The following NCR3LG1 variants were observed in gnomAD, a reference collection of about 807,000 sequenced individuals.
NCR3LG1 encodes the protein natural cytotoxicity triggering receptor 3 ligand 1.
Under a neutral mutation model 34.8 loss-of-function variants are expected in NCR3LG1, and 35 were observed. The ratio of observed to expected loss-of-function variants is 1.01; its 90% confidence interval spans 0.77 to 1.33. NCR3LG1 has a LOEUF of 1.33. Ranked by LOEUF, NCR3LG1 falls within the 40% of genes most tolerant of loss-of-function variation. The pLI, the probability that NCR3LG1 is intolerant of heterozygous loss-of-function variation, is 0.00. For missense variants in NCR3LG1, 452 were observed against 423.3 expected, an observed-to-expected ratio of 1.07 and a Z score of -0.60; for synonymous variants, 173 against 163.6, an observed-to-expected ratio of 1.06 and a Z score of -0.44.
intron 3 of NCR3LG1, 120 bp downstream of exon 3, chr11:17,367,467 C>CCTTCCAGTCCAAGCTT: frequency 1.2e-6 from 1 of 867,896 alleles, no homozygotes; most frequent in Non-Finnish European, 1.7e-6. Flanking sequence ...AAAGCTTGGA[C>CCTTCCAGTCCAAGCTT]TGGAAGGACC....
At chr11:17,357,636 T>A (rs1335589059) in intron 2 of NCR3LG1, among the ~76,000 whole-genome samples, 3 of 147,598 alleles carry the variant, frequency 2.0e-5, no homozygotes. Context: ...ACAGTGACAG[T>A]GGCTATATAT....
chr11:17,376,470 C>T lies in NCR3LG1; in HGVS notation c.*3958C>T, dbSNP rs1339190744. 2 of 152,178 alleles carry T rather than the reference C, an allele frequency of 1.3e-5. No individual in the cohort carries two copies. Among genetic ancestry groups the T allele is most frequent in the African/African-American group, 4.8e-5 (2 of 41,428 alleles). 9.4% of individuals were successfully genotyped at this position (152,178 alleles called of 1,614,324 possible). ...TCAGCCATGTCCCATTTATACAAGA[C>T]AAATTGCTGGGTCTGTCCTGAGCGG... On this transcript the variant is annotated 3_prime_UTR_variant, in exon 5 of 5. Transcript: ENST00000338965.
In NCR3LG1 at chr11:17,362,679, CCTTCCTTCCTTCCTTTCTTT is replaced by C. The variant is rs1474216809; in HGVS notation, c.422-4326_422-4307del. On this transcript the variant is annotated intron_variant, in intron 2 of 4. Coordinates refer to ENST00000338965, the MANE Select transcript of NCR3LG1 (RefSeq NM_001202439.3). ...CTAGTTATTGACTCAGTGTCTCCTT[CCTTCCTTCCTTCCTTTCTTT>C]CTTTCTTTCTTTCTTTCTTTCTTTC... Among the ~76,000 whole-genome samples the C allele has an allele frequency of 6.6e-3, 449 of 68,244 alleles. 7 individuals are homozygous for C. The highest frequency in any genetic ancestry group is 0.014 in the East Asian group (39 of 2,744). The allele number at this position is 68,244 out of a possible 152,430, so 44.8% of individuals were successfully genotyped here. A position where few individuals can be genotyped will look rare whatever the true frequency, so the allele number is the denominator to read the frequency against.
chr11:17,352,855 ACTAAAAGG>A (rs1953154765), intron 1 of NCR3LG1, among the ~76,000 whole-genome samples: 1 of 151,678 alleles, frequency 6.6e-6, no homozygotes, highest in African/African-American at 2.4e-5. Flanking sequence ...TAAACAGGAG[ACTAAAAGG>A]CTGAAACGCG....
chr11:17,362,745 TTTCTTTCTTTCTTTCTTTCTTTCC>T lies in NCR3LG1; in HGVS notation c.422-4260_422-4237del, dbSNP rs1564856496. ...CTTTCTTTCTTTCTTTCTTTCTTTCTTTCTTTCTTTCTTTCTTTCTTTCCTTCCTTCCTTCTTTCCTTCTTTCTC... is the reference window on the plus strand; with the variant it reads ...CTTTCTTTCTTTCTTTCTTTCTTTCTTTCCTTCCTTCTTTCCTTCTTTCTC... On this transcript the variant is annotated intron_variant, in intron 2 of 4. Transcript: ENST00000338965. Among the ~76,000 whole-genome samples, 528 of 108,048 alleles carry T rather than the reference TTTCTTTCTTTCTTTCTTTCTTTCC, an allele frequency of 4.9e-3. 49 individuals are homozygous for T. Among genetic ancestry groups the T allele is most frequent in the African/African-American group, 0.025 (508 of 20,222 alleles). 70.9% of individuals were successfully genotyped at this position (108,048 alleles called of 152,430 possible). A position where few individuals can be genotyped will look rare whatever the true frequency, so the allele number is the denominator to read the frequency against.
At chr11:17,367,758 T>C (rs980235009) in intron 3 of NCR3LG1, among the ~76,000 whole-genome samples, 2 of 151,750 alleles carry the variant, frequency 1.3e-5, no homozygotes, top group East Asian at 3.9e-4. Context: ...TAGCAGCCCT[T>C]CTAATAAGGC....
Position 17,356,988 on chromosome 11 carries a change from G to A in NCR3LG1, c.408G>A (p.Gln136=). 1 of 1,518,622 alleles carries A rather than the reference G, an allele frequency of 6.6e-7. No individual in the cohort carries two copies. The highest frequency in any genetic ancestry group is 8.8e-7 in the Non-Finnish European group (1 of 1,136,472). 94.1% of individuals were successfully genotyped at this position (1,518,622 alleles called of 1,614,324 possible). A position where few individuals can be genotyped will look rare whatever the true frequency, so the allele number is the denominator to read the frequency against. The change falls in exon 2 of 5, where the codon CAG becomes CAA. Residue 136 remains glutamine (Q), a synonymous_variant. Coordinates refer to ENST00000338965, the MANE Select transcript of NCR3LG1 (RefSeq NM_001202439.3). ...CTCTGAAGGCACAGGGAACAGTCCA[G>A]CTTGAAGTTGTGGGTGAGTGTCTCG... ...VTPLKAQGTV[Q]LEVVASPASR...
chr11:17,354,913 G>T (rs1953187947), intron 1 of NCR3LG1, among the ~76,000 whole-genome samples: 1 of 152,134 alleles, frequency 6.6e-6, no homozygotes, highest in Non-Finnish European at 1.5e-5. Flanking sequence ...CATGTTTGAT[G>T]GCAACAAGGG....
Position 17,362,685 on chromosome 11 carries a change from TTCCTTC to T in NCR3LG1, c.422-4323_422-4318del, listed in dbSNP as rs1202932658. ...ATTGACTCAGTGTCTCCTTCCTTCC[TTCCTTC>T]CTTTCTTTCTTTCTTTCTTTCTTTC... is the stretch of plus-strand genomic sequence containing the variant. On this transcript the variant is annotated intron_variant, in intron 2 of 4. Coordinates refer to ENST00000338965, the MANE Select transcript of NCR3LG1 (RefSeq NM_001202439.3). Among the ~76,000 whole-genome samples, 263 of 21,274 alleles carry T rather than the reference TTCCTTC, an allele frequency of 0.012. 26 individuals carry two copies. In the African/African-American group the frequency reaches 0.18, roughly 14 times the overall value. 14.0% of individuals were successfully genotyped at this position (21,274 alleles called of 152,430 possible).
chr11:17,369,705 A>G (rs1227483479), intron 4 of NCR3LG1, among the ~76,000 whole-genome samples: 1 of 152,256 alleles, frequency 6.6e-6, no homozygotes. Flanking sequence ...TTGGCCATTT[A>G]GATTCACGGG....
At chr11:17,353,801 C>A (rs1164348665) in intron 1 of NCR3LG1, among the ~76,000 whole-genome samples, 2 of 152,220 alleles carry the variant, frequency 1.3e-5, no homozygotes, top group Non-Finnish European at 2.9e-5. Context: ...GGGTCGGACC[C>A]CAGAACCAGG....
chr11:17,379,167 T>C (rs1336233249), downstream of NCR3LG1, among the ~76,000 whole-genome samples: 3 of 152,212 alleles, frequency 2.0e-5, no homozygotes, highest in Admixed American at 2.0e-4. Flanking sequence ...TTGGGGTCCA[T>C]GCTCCTTAAT....
chr11:17,362,817 TCTTC>T (rs1380275125), intron 2 of NCR3LG1, among the ~76,000 whole-genome samples: 203 of 146,398 alleles, frequency 1.4e-3, no homozygotes, highest in East Asian at 2.7e-3. Context: ...TTTCTTTCTT[TCTTC>T]CTTTCTTCCT....
chr11:17,357,943 T>C (rs1279897409), intron 2 of NCR3LG1, among the ~76,000 whole-genome samples: 1 of 152,130 alleles, frequency 6.6e-6, no homozygotes, highest in Non-Finnish European at 1.5e-5. Context: ...CCTCAAGAGA[T>C]CCTTGTGCCC....
At chr11:17,367,913 T>C (rs973934883) in intron 3 of NCR3LG1, among the ~76,000 whole-genome samples, 11 of 151,402 alleles carry the variant, frequency 7.3e-5, no homozygotes, top group East Asian at 5.8e-4. Context: ...CTACCTCCCG[T>C]GTTCAAGCGA....
chr11:17,380,470 ATTAT>A (rs1254401706), downstream of NCR3LG1, among the ~76,000 whole-genome samples: 4 of 152,030 alleles, frequency 2.6e-5, no homozygotes, highest in East Asian at 7.8e-4. Context: ...TGGGTGAGTA[ATTAT>A]TATTTGTTTT....
At chr11:17,369,701 A>C (rs1412410610) in intron 4 of NCR3LG1, among the ~76,000 whole-genome samples, 2 of 152,254 alleles carry the variant, frequency 1.3e-5, no homozygotes, top group Non-Finnish European at 2.9e-5. Flanking sequence ...AAAGTTGGCC[A>C]TTTAGATTCA....
chr11:17,380,482 T>G (rs1953507880), downstream of NCR3LG1, among the ~76,000 whole-genome samples: 2 of 152,052 alleles, frequency 1.3e-5, no homozygotes, highest in African/African-American at 4.8e-5. Flanking sequence ...TATTATTTGT[T>G]TTTAGTAATT....
chr11:17,368,073 C>T (rs973394353), intron 3 of NCR3LG1, among the ~76,000 whole-genome samples: 5 of 152,104 alleles, frequency 3.3e-5, no homozygotes, highest in Admixed American at 1.3e-4. Flanking sequence ...CCGCCTCAGC[C>T]TCCCAAAGTG....
Sources: allele counts gnomAD v4.1 joint callset (sites outside exome capture counted in the v4.1 genomes callset), GRCh38; gene constraint gnomAD v4.1.1; transcripts MANE v1.5; gene names NCBI Gene and HGNC (gene_info 2026-07-23, HGNC 2026-07-21).